Variants in AKR1B15 observed in about 807,000 individuals in gnomAD.
The protein encoded by AKR1B15 is aldo-keto reductase family 1 member B15, also known as estradiol 17-beta-dehydrogenase AKR1B15.
In AKR1B15, 49 loss-of-function variants were observed where a neutral mutation model predicts 38.5. That is an observed-to-expected ratio of 1.27 (90% CI 1.01 to 1.62). The LOEUF (loss-of-function observed/expected upper bound fraction) is 1.62. Among genes scored for constraint, AKR1B15 ranks in the 40% most tolerant of loss-of-function variants. AKR1B15 has a pLI of 0.00. For synonymous variants in AKR1B15, 137 were observed against 135.5 expected, an observed-to-expected ratio of 1.01 and a Z score of -0.08; for missense variants, 411 against 381.6, an observed-to-expected ratio of 1.08 and a Z score of -0.64.
chr7:134,555,528 CT>C (rs1294508409), intron 1 of AKR1B15, among the ~76,000 whole-genome samples: 1 of 152,128 alleles, frequency 6.6e-6, no homozygotes, highest in African/African-American at 2.4e-5. Flanking sequence ...TTTACCTCTT[CT>C]GTCTGTTTCC....
rs180891264 is a variant in AKR1B15, at chr7:134,556,151, T to G, written c.-146-585T>G. Reference sequence around the variant, plus strand: ...CTGGTCCCATGAAGCCAATCAGAACTTTAACTGATTTAGGTGACCCTATGT... The same window carrying G: ...CTGGTCCCATGAAGCCAATCAGAACGTTAACTGATTTAGGTGACCCTATGT... On this transcript the variant is annotated intron_variant, in intron 1 of 11. Transcript: ENST00000457545. 1.3e-4 allele frequency among the ~76,000 whole-genome samples: 20 copies of G among 152,318 alleles called. No homozygotes were observed. The Middle Eastern group carries it at 0.01, about 78-fold the overall frequency.
At chr7:134,575,787 C>A in intron 7 of AKR1B15, 34 bp from the exon 8 acceptor site, 1 of 1,612,174 alleles carries the variant, frequency 6.2e-7, no homozygotes, top group Non-Finnish European at 8.5e-7. Context: ...ACAGAGCCGG[C>A]TTTCCCCGTG....
chr7:134,576,563 T>C (rs1477438131), intron 9 of AKR1B15, 133 bp downstream of exon 9: 18 of 1,052,290 alleles, frequency 1.7e-5, no homozygotes, highest in African/African-American at 1.5e-4. Flanking sequence ...AGTATTTCCT[T>C]TGAAGTCTGT....
At chr7:134,569,809 C>A (rs1411949170) in intron 5 of AKR1B15, 1 of 342,470 alleles carries the variant, frequency 2.9e-6, no homozygotes, top group East Asian at 6.3e-5. Context: ...ATCTCTTAAT[C>A]CCATCATCTT....
intron 1 of AKR1B15, among the ~76,000 whole-genome samples, chr7:134,552,923 C>T (rs1200537513): frequency 6.6e-6 from 1 of 152,160 alleles, no homozygotes; most frequent in Admixed American, 6.5e-5. Flanking sequence ...GTCACCCTAA[C>T]TGCACTCTTC....
intron 1 of AKR1B15, among the ~76,000 whole-genome samples, chr7:134,552,481 G>T (rs1285069077): frequency 1.3e-5 from 2 of 152,052 alleles, no homozygotes; most frequent in African/African-American, 4.8e-5. Flanking sequence ...ATGATTCTGT[G>T]GGCTATAGAG....
At chr7:134,569,165 A>C (rs112962240) in intron 4 of AKR1B15, among the ~76,000 whole-genome samples, 51 of 152,360 alleles carry the variant, frequency 3.3e-4, no homozygotes, top group Non-Finnish European at 4.6e-4. Context: ...ACATTTACTT[A>C]AATGATCTGA....
At chr7:134,562,348 G>A (rs72501601) in intron 2 of AKR1B15, among the ~76,000 whole-genome samples, 10,815 of 152,136 alleles carry the variant, frequency 0.071, 638 homozygotes, top group East Asian at 0.31. Context: ...TGCTGCTGGG[G>A]GCTGGGGTGA....
intron 1 of AKR1B15, among the ~76,000 whole-genome samples, chr7:134,553,125 C>T (rs1026790458): frequency 7.2e-5 from 11 of 152,068 alleles, no homozygotes; most frequent in African/African-American, 1.4e-4. Flanking sequence ...CACCAGTGCT[C>T]GAAAGGCAGC....
chr7:134,563,950 C>T (rs1444028461), intron 2 of AKR1B15, among the ~76,000 whole-genome samples: 1 of 152,020 alleles, frequency 6.6e-6, no homozygotes, highest in Non-Finnish European at 1.5e-5. Context: ...GTTCTGACTA[C>T]CTAGCCAAGG....
intron 9 of AKR1B15, among the ~76,000 whole-genome samples, chr7:134,576,748 A>G (rs1794775461): frequency 6.6e-6 from 1 of 151,820 alleles, no homozygotes; most frequent in Admixed American, 6.6e-5. Flanking sequence ...TACTTTCTTC[A>G]TTCCTAAAAA....
chr7:134,577,001 G>T lies in AKR1B15; in HGVS notation c.864G>T (p.Val288=). The T allele has an allele frequency of 6.2e-7, 1 of 1,613,936 alleles. No individual in the cohort carries two copies. The highest frequency in any genetic ancestry group is 8.5e-7 in the Non-Finnish European group (1 of 1,179,850). ...TCCATATCCAGAGGAATGTGACAGT[G>T]ATCCCCAAGTCTATGACACCAGCAC... ...IRFHIQRNVT[V]IPKSMTPAHI... The change falls in exon 10 of 12, where the codon GTG becomes GTT. Residue 288 remains valine (V), a synonymous_variant. Transcript: ENST00000457545.
At chr7:134,579,375 T>G in intron 11 of AKR1B15, 132 bp from the exon 12 acceptor site, 1 of 708,972 alleles carries the variant, frequency 1.4e-6, no homozygotes, top group South Asian at 2.2e-5. Flanking sequence ...TAAGCACCCT[T>G]CTTGTGTTCT....
At chr7:134,577,809 G>C in intron 11 of AKR1B15, 23 bp downstream of exon 11, 1 of 1,612,016 alleles carries the variant, frequency 6.2e-7, no homozygotes, top group Non-Finnish European at 8.5e-7. Context: ...GAGTTAACTA[G>C]AAGAATTGCC....
intron 9 of AKR1B15, 38 bp from the exon 10 acceptor site, chr7:134,576,925 G>T: frequency 6.4e-7 from 1 of 1,572,820 alleles, no homozygotes; most frequent in Non-Finnish European, 8.8e-7. Flanking sequence ...AGGGGTCCTT[G>T]TAGCTGAGTG....
intron 1 of AKR1B15, 54 bp from the exon 2 acceptor site, chr7:134,556,681 TG>T (rs1794208746): frequency 6.6e-6 from 1 of 152,056 alleles, no homozygotes; most frequent in Non-Finnish European, 1.5e-5. Context: ...CAGATCTACA[TG>T]TACAGTGGGC....
chr7:134,568,277 G>T lies in AKR1B15; in HGVS notation c.270G>T (p.Lys90Asn), dbSNP rs539015857. ...QHEVGEAIQEKIQEKAVMRED... is the reference protein window; with the variant it reads ...QHEVGEAIQENIQEKAVMRED... ...AGGTGGGAGAAGCCATCCAAGAGAA[G>T]ATCCAAGAGAAGGCTGTGATGCGGG... Residue 90 changes from lysine to asparagine, a missense_variant, in exon 4 of 12, where the codon AAG becomes AAT. Physicochemically the swap from Lys to Asn is moderately conservative, Grantham distance 94. Coordinates refer to ENST00000457545, the MANE Select transcript of AKR1B15 (RefSeq NM_001080538.3). 1 of 1,614,136 alleles carries T rather than the reference G, an allele frequency of 6.2e-7. No homozygotes were observed. Among genetic ancestry groups the T allele is most frequent in the Non-Finnish European group, 8.5e-7 (1 of 1,179,992 alleles).
chr7:134,561,286 T>C (rs1794382908), intron 2 of AKR1B15, among the ~76,000 whole-genome samples: 1 of 152,198 alleles, frequency 6.6e-6, no homozygotes, highest in Non-Finnish European at 1.5e-5. Flanking sequence ...TAATCTTGGC[T>C]CACTGCAATC....
At chr7:134,562,897 T>TTCTTTCTTTCTTTCTTTCTTTCTTC (rs1794451949) in intron 2 of AKR1B15, among the ~76,000 whole-genome samples, 1 of 144,406 alleles carries the variant, frequency 6.9e-6, no homozygotes, top group African/African-American at 2.6e-5. Flanking sequence ...TTTCCTTCTT[T>TTCTTTCTTTCTTTCTTTCTTTCTTC]CTTCCTTCCT....
Sources: allele counts gnomAD v4.1 joint callset (sites outside exome capture counted in the v4.1 genomes callset), GRCh38; gene constraint gnomAD v4.1.1; transcripts MANE v1.5; gene names NCBI Gene and HGNC (gene_info 2026-07-23, HGNC 2026-07-21).